Variants in GABRA2 observed in about 807,000 individuals in gnomAD.
The protein encoded by GABRA2 is gamma-aminobutyric acid type A receptor subunit alpha2.
GABRA2 carries 16 observed loss-of-function variants against 48.7 expected under a neutral mutation model. The observed-to-expected ratio is 0.33, with a 90% CI of 0.22 to 0.50. The LOEUF (loss-of-function observed/expected upper bound fraction) is 0.50, where lower values mean the gene tolerates loss of function less well. Ranked by LOEUF, GABRA2 falls within the 20% of genes least tolerant of loss-of-function variation. The probability of loss-of-function intolerance (pLI) is 0.98; values close to 1 mark genes in which losing one functional copy is unlikely to be tolerated. For synonymous variants in GABRA2, 185 were observed against 184.5 expected (o/e 1.00, Z -0.02); for missense variants, 275 against 535.6 (o/e 0.51, Z 4.80).
At chr4:46,354,339 T>C (rs1223161015) in intron 3 of GABRA2, among the ~76,000 whole-genome samples, 4 of 152,176 alleles carry the variant, frequency 2.6e-5, no homozygotes, top group African/African-American at 9.7e-5. Flanking sequence ...GTTTCTGTTG[T>C]GTGTAGGAAA....
At chr4:46,255,355 A>C (rs1008158586) in intron 9 of GABRA2, among the ~76,000 whole-genome samples, 1 of 151,638 alleles carries the variant, frequency 6.6e-6, no homozygotes, top group Non-Finnish European at 1.5e-5. Flanking sequence ...TCAATAGCTT[A>C]TTCTACAATT....
At chr4:46,339,493 C>A (rs1378130201) in intron 3 of GABRA2, among the ~76,000 whole-genome samples, 2 of 151,842 alleles carry the variant, frequency 1.3e-5, no homozygotes, top group Non-Finnish European at 2.9e-5. Context: ...TAAATAAATT[C>A]TTACTCTTAG....
At chr4:46,377,044 G>A (rs1332089573) in intron 3 of GABRA2, among the ~76,000 whole-genome samples, 1 of 152,098 alleles carries the variant, frequency 6.6e-6, no homozygotes, top group African/African-American at 2.4e-5. Context: ...GTGCTCAATG[G>A]TGCCCAGGCT....
At chr4:46,306,945 G>A (rs1361781835) in intron 6 of GABRA2, among the ~76,000 whole-genome samples, 2 of 151,958 alleles carry the variant, frequency 1.3e-5, no homozygotes, top group African/African-American at 2.4e-5. Context: ...ATTGTCTAAC[G>A]GCAATGTTGT....
intron 7 of GABRA2, among the ~76,000 whole-genome samples, chr4:46,304,523 C>G (rs994322982): frequency 6.6e-6 from 1 of 151,686 alleles, no homozygotes; most frequent in East Asian, 1.9e-4. Context: ...AGGAAGGCGG[C>G]CTTCAGAGAG....
intron 3 of GABRA2, among the ~76,000 whole-genome samples, chr4:46,338,407 CTT>C (rs1732635580): frequency 6.6e-6 from 1 of 151,912 alleles, no homozygotes; most frequent in African/African-American, 2.4e-5. Flanking sequence ...AGGAAAAAAA[CTT>C]AACCTCTTTT....
intron 3 of GABRA2, among the ~76,000 whole-genome samples, chr4:46,377,316 A>T (rs1253266551): frequency 7.1e-6 from 1 of 141,080 alleles, no homozygotes; most frequent in Admixed American, 7.0e-5. Context: ...CCGCCATCCC[A>T]TCTGGGAAGT....
At chr4:46,288,567 G>C (rs1722990848) in intron 8 of GABRA2, among the ~76,000 whole-genome samples, 1 of 152,112 alleles carries the variant, frequency 6.6e-6, no homozygotes, top group Non-Finnish European at 1.5e-5. Context: ...ATTAACTCAA[G>C]ATGGATCAAA....
intron 3 of GABRA2, among the ~76,000 whole-genome samples, chr4:46,373,886 A>T (rs1715301691): frequency 6.6e-6 from 1 of 152,152 alleles, no homozygotes; most frequent in East Asian, 1.9e-4. Flanking sequence ...CTAGATAGCT[A>T]ATTAAATCTA....
intron 8 of GABRA2, among the ~76,000 whole-genome samples, chr4:46,288,334 T>C (rs1020874314): frequency 2.6e-5 from 4 of 152,182 alleles, no homozygotes; most frequent in Non-Finnish European, 4.4e-5. Context: ...GCTGAAGTTG[T>C]TTCTTAGCTT....
chr4:46,307,515 G>A (rs1251797187), intron 6 of GABRA2, among the ~76,000 whole-genome samples: 1 of 150,650 alleles, frequency 6.6e-6, no homozygotes, highest in Non-Finnish European at 1.5e-5. Context: ...AAGAAAAAAT[G>A]AAACCCTATA....
At chr4:46,254,409 G>A in intron 9 of GABRA2, among the ~76,000 whole-genome samples, 1 of 151,462 alleles carries the variant, frequency 6.6e-6, no homozygotes, top group East Asian at 1.9e-4. Flanking sequence ...TAACGCTTAT[G>A]TTCCTATACA....
intron 3 of GABRA2, among the ~76,000 whole-genome samples, chr4:46,349,999 C>T (rs1734845909): frequency 6.6e-6 from 1 of 151,630 alleles, no homozygotes; most frequent in African/African-American, 2.4e-5. Flanking sequence ...AGGAATTTAC[C>T]ACCTATTAAG....
intron 3 of GABRA2, among the ~76,000 whole-genome samples, chr4:46,377,307 C>T (rs1054824997): frequency 2.6e-5 from 4 of 151,672 alleles, no homozygotes; most frequent in East Asian, 2.0e-4. Flanking sequence ...TCTTCCCGGC[C>T]GCCATCCCAT....
intron 9 of GABRA2, among the ~76,000 whole-genome samples, chr4:46,256,646 C>T (rs1339599293): frequency 6.6e-6 from 1 of 151,468 alleles, no homozygotes; most frequent in African/African-American, 2.4e-5. Flanking sequence ...AGCTAATGTG[C>T]TGGCCCAAAG....
intron 8 of GABRA2, among the ~76,000 whole-genome samples, chr4:46,274,258 G>C (rs558193009): frequency 6.6e-6 from 1 of 152,184 alleles, no homozygotes; most frequent in Non-Finnish European, 1.5e-5. Flanking sequence ...CATACTGTTA[G>C]CAAGTAGTAG....
At chr4:46,340,438 T>C (rs1181462439) in intron 3 of GABRA2, among the ~76,000 whole-genome samples, 5 of 150,092 alleles carry the variant, frequency 3.3e-5, no homozygotes, top group African/African-American at 1.0e-4. Flanking sequence ...ATGGATTTGC[T>C]TATTTTGAAA....
intron 8 of GABRA2, among the ~76,000 whole-genome samples, chr4:46,300,022 G>A (rs1238126066): frequency 6.6e-6 from 1 of 151,812 alleles, no homozygotes; most frequent in Admixed American, 6.6e-5. Context: ...TCCCCATGTT[G>A]TTCAAATTTT....
chr4:46,387,285 CTT>C (rs1402774466), intron 2 of GABRA2, among the ~76,000 whole-genome samples: 3 of 152,134 alleles, frequency 2.0e-5, no homozygotes, highest in Non-Finnish European at 4.4e-5. Context: ...ATTGTCCACT[CTT>C]TTAAAATAAA....
Sources: allele counts gnomAD v4.1 joint callset (sites outside exome capture counted in the v4.1 genomes callset), GRCh38; gene constraint gnomAD v4.1.1; transcripts MANE v1.5; gene names NCBI Gene and HGNC (gene_info 2026-07-23, HGNC 2026-07-21).